CHID1: variants seen among roughly 807,000 people sequenced by gnomAD.
CHID1 encodes chitinase domain containing 1.
A neutral mutation model predicts 55.4 loss-of-function variants in CHID1; 44 were observed. The observed-to-expected ratio is 0.79, with a 90% CI of 0.62 to 1.02. The LOEUF (loss-of-function observed/expected upper bound fraction) is 1.02, where lower values mean the gene tolerates loss of function less well. Ranked by LOEUF, CHID1 falls within the 50% of genes least tolerant of loss-of-function variation. The probability of loss-of-function intolerance (pLI) is 0.00; values close to 1 mark genes in which losing one functional copy is unlikely to be tolerated. For synonymous variants in CHID1, 216 were observed against 212.9 expected (o/e 1.01, Z -0.13); for missense variants, 491 against 515.3 (o/e 0.95, Z 0.46).
rs550050876 is a variant in CHID1, at chr11:875,981, G to A, written c.960-5482C>T. Among the ~76,000 whole-genome samples, 68 of 152,284 alleles carry A rather than the reference G, an allele frequency of 4.5e-4. No individual in the cohort carries two copies. In the East Asian group the frequency reaches 0.012, roughly 26 times the overall value. On this transcript the variant is annotated intron_variant, in intron 10 of 12. Coordinates refer to ENST00000323578, the MANE Select transcript of CHID1 (RefSeq NM_023947.4). This position sits in a 1 kb window ranked among gnomAD's most constrained non-coding sequence, Gnocchi z 4.7. ...GGCGCCGCATTGCTTGGCGGTGCAC[G>A]TGGTGTGTGGGGGCATGTGAGGCTG...
At chr11:904,621 C>T in intron 2 of CHID1, 85 bp downstream of exon 2, 1 of 1,533,244 alleles carries the variant, frequency 6.5e-7, no homozygotes. Context: ...CCTCCTGGCT[C>T]ACAGGCCCCA....
chr11:871,008 T>C (rs912466728), intron 10 of CHID1, among the ~76,000 whole-genome samples: 2 of 89,568 alleles, frequency 2.2e-5, no homozygotes, highest in Non-Finnish European at 4.7e-5. Context: ...TTTTTTTTTT[T>C]GAGACGGAGT....
chr11:898,212 C>G (rs1851523094), intron 7 of CHID1, among the ~76,000 whole-genome samples: 1 of 152,234 alleles, frequency 6.6e-6, no homozygotes, highest in Non-Finnish European at 1.5e-5. Context: ...GGACGCTGCC[C>G]CAGGTGGGCA....
At chr11:885,511 C>T (rs370201497) in intron 8 of CHID1, among the ~76,000 whole-genome samples, 25 of 152,278 alleles carry the variant, frequency 1.6e-4, no homozygotes, top group African/African-American at 5.8e-4. Context: ...CCAGCCCCAC[C>T]GCTCAGGCAC....
At chr11:891,446 C>G (rs760116317) in intron 8 of CHID1, among the ~76,000 whole-genome samples, 3 of 152,226 alleles carry the variant, frequency 2.0e-5, no homozygotes, top group Non-Finnish European at 4.4e-5. Flanking sequence ...CCTGGCCCAG[C>G]TCCAACTGCC....
chr11:910,667 G>A lies in CHID1; in HGVS notation c.-44+108C>T, dbSNP rs746622493. 5.5e-6 allele frequency: 7 copies of A among 1,268,894 alleles called. No individual in the cohort carries two copies. The South Asian group carries it at 8.8e-5, about 16-fold the overall frequency. 78.6% of individuals were successfully genotyped at this position (1,268,894 alleles called of 1,614,324 possible). ...CGCCCGGCGTCGCCCGCGACCCCAC[G>A]CCCGTCCTCCCGGGGCCGAGCCTCG... On this transcript the variant is annotated intron_variant, in intron 1 of 12. Transcript: ENST00000323578.
At chr11:888,331 C>T (rs1850548460) in intron 8 of CHID1, among the ~76,000 whole-genome samples, 2 of 152,230 alleles carry the variant, frequency 1.3e-5, no homozygotes, top group Admixed American at 1.3e-4. Context: ...CTGCCAACCC[C>T]CACCTGGTGC....
intron 10 of CHID1, among the ~76,000 whole-genome samples, chr11:873,541 G>A (rs774784178): frequency 7.2e-5 from 11 of 152,078 alleles, no homozygotes; most frequent in African/African-American, 2.7e-4. Context: ...GTGAAAGTCC[G>A]AGAGTGGGTG....
At chr11:890,906 A>G (rs527357025) in intron 8 of CHID1, among the ~76,000 whole-genome samples, 50 of 152,248 alleles carry the variant, frequency 3.3e-4, no homozygotes, top group African/African-American at 1.1e-3. Flanking sequence ...CCCTCCCCGC[A>G]GCACGCAGAC....
chr11:893,353 C>T (rs1360824988), intron 8 of CHID1, 74 bp downstream of exon 8: 18 of 1,295,534 alleles, frequency 1.4e-5, no homozygotes, highest in East Asian at 5.1e-5. Context: ...GCCCTTTGGC[C>T]GACACCCTGC....
chr11:883,113 C>T (rs1207212826), intron 10 of CHID1, 35 bp downstream of exon 10: 1 of 1,593,128 alleles, frequency 6.3e-7, no homozygotes, highest in Non-Finnish European at 8.6e-7. Flanking sequence ...CGCCCAGTGA[C>T]ACCTTCAGCA....
At chr11:910,522 GTCCACACTC>G in intron 1 of CHID1, 1 of 770,258 alleles carries the variant, frequency 1.3e-6, no homozygotes, top group Non-Finnish European at 1.6e-6. Context: ...ACGCGCCCCC[GTCCACACTC>G]GCCCTCCACC....
At chr11:903,193 C>A in intron 2 of CHID1, 82 bp from the exon 3 acceptor site, 1 of 1,427,334 alleles carries the variant, frequency 7.0e-7, no homozygotes, top group East Asian at 2.3e-5. Flanking sequence ...AAGTCCCTTC[C>A]ATTCAGCCAG....
Position 887,023 on chromosome 11 carries a change from C to T in CHID1, c.702-2854G>A, listed in dbSNP as rs539615967. 7.2e-5 allele frequency among the ~76,000 whole-genome samples: 11 copies of T among 152,262 alleles called. No individual in the cohort carries two copies. In the South Asian group the frequency reaches 1.0e-3, roughly 14 times the overall value. ...CCGCTGTTCTCTGGGGTCTTTGTTG[C>T]TTTCTTTCTTTTCTTCTCTTCTGTT... On this transcript the variant is annotated intron_variant, in intron 8 of 12. Coordinates refer to ENST00000323578, the MANE Select transcript of CHID1 (RefSeq NM_023947.4).
Position 909,491 on chromosome 11 carries a change from G to A in CHID1, c.-44+1284C>T, listed in dbSNP as rs185562063. Among the ~76,000 whole-genome samples the A allele has an allele frequency of 4.1e-4, 63 of 152,362 alleles. 1 individual carries two copies. The highest frequency in any genetic ancestry group is 3.9e-3 in the Admixed American group (60 of 15,310). ...TCCGTAGGTCCAGGACCTCCTCGGT[G>A]GTGTTGATGGAAATGATGGGAGTCA... On this transcript the variant is annotated intron_variant, in intron 1 of 12. Transcript: ENST00000323578.
At chr11:884,024 T>C (rs1320216720) in intron 9 of CHID1, 44 bp downstream of exon 9, 3 of 1,455,642 alleles carry the variant, frequency 2.1e-6, no homozygotes, top group Non-Finnish European at 2.9e-6. Flanking sequence ...ACTGCTGCAC[T>C]GTGGAGTTTG....
chr11:910,780 T>G lies in CHID1; in HGVS notation c.-49A>C. On this transcript the variant is annotated 5_prime_UTR_variant, in exon 1 of 13. An upstream start codon of the reference 5' UTR is lost. Transcript: ENST00000323578. ...CCGGCCGCCGCGGGGCTCACCTGCA[T>G]GTCAGGGAGGCCGGACGGCCACAAA... 8.8e-7 allele frequency: 1 copy of G among 1,130,446 alleles called. No homozygotes were observed. Among genetic ancestry groups the G allele is most frequent in the East Asian group, 1.1e-4 (1 of 9,456 alleles). The allele number at this position is 1,130,446 out of a possible 1,614,324, so 70.0% of individuals were successfully genotyped here.
chr11:893,372 C>A (rs892321194), intron 8 of CHID1, 55 bp downstream of exon 8: 1 of 1,441,294 alleles, frequency 6.9e-7, no homozygotes, highest in Non-Finnish European at 9.5e-7. Context: ...GCACTGGCTG[C>A]CCCCGACCCC....
intron 1 of CHID1, among the ~76,000 whole-genome samples, chr11:910,467 C>A (rs952933748): frequency 6.6e-6 from 1 of 152,190 alleles, no homozygotes; most frequent in African/African-American, 2.4e-5. Context: ...CAGGCTTGCT[C>A]GCCCCAGCGC....
Sources: allele counts gnomAD v4.1 joint callset (sites outside exome capture counted in the v4.1 genomes callset), GRCh38; gene constraint gnomAD v4.1.1; non-coding constraint Gnocchi (gnomAD v3.1); transcripts MANE v1.5; gene names NCBI Gene and HGNC (gene_info 2026-07-23, HGNC 2026-07-21).